UTRN: variants seen among roughly 807,000 people sequenced by gnomAD.
The protein encoded by UTRN is utrophin.
UTRN carries 283 observed loss-of-function variants against 463.9 expected under a neutral mutation model. The ratio of observed to expected loss-of-function variants is 0.61; its 90% CI spans 0.55 to 0.67. The LOEUF (loss-of-function observed/expected upper bound fraction) is 0.67, where lower values mean the gene tolerates loss of function less well. UTRN is among the 30% of genes least tolerant of loss of function. UTRN has a pLI of 0.00. For synonymous variants in UTRN, 1,442 were observed against 1,431.5 expected (o/e 1.01, Z -0.17); for missense variants, 3,922 against 4,084.3 (o/e 0.96, Z 1.08).
chr6:144,577,902 C>T (rs935515652), intron 51 of UTRN, among the ~76,000 whole-genome samples: 1 of 152,094 alleles, frequency 6.6e-6, no homozygotes, highest in Non-Finnish European at 1.5e-5. Context: ...TTGAACCTTC[C>T]AGTTCAAAAT....
chr6:144,419,610 C>G (rs1028800912), intron 3 of UTRN, among the ~76,000 whole-genome samples: 26 of 152,194 alleles, frequency 1.7e-4, no homozygotes, highest in Non-Finnish European at 3.4e-4. Context: ...CAGTGTCACA[C>G]AACATACCCA....
intron 3 of UTRN, among the ~76,000 whole-genome samples, chr6:144,409,984 G>C (rs1229240467): frequency 6.6e-6 from 1 of 152,132 alleles, no homozygotes; most frequent in Non-Finnish European, 1.5e-5. Flanking sequence ...ATGAACACTT[G>C]TCTCTGTGAG....
At chr6:144,361,767 T>A (rs1198104148) in intron 2 of UTRN, among the ~76,000 whole-genome samples, 4 of 135,668 alleles carry the variant, frequency 2.9e-5, no homozygotes, top group African/African-American at 9.5e-5. Flanking sequence ...TTTCTTTCTT[T>A]CTTTCTTTTT....
intron 58 of UTRN, among the ~76,000 whole-genome samples, chr6:144,758,761 A>G (rs1393885642): frequency 6.6e-6 from 1 of 152,116 alleles, no homozygotes; most frequent in African/African-American, 2.4e-5. Context: ...TTAATTTACA[A>G]CGTGCTCTAG....
chr6:144,641,035 C>T (rs932220904), intron 51 of UTRN, among the ~76,000 whole-genome samples: 1 of 152,006 alleles, frequency 6.6e-6, no homozygotes, highest in African/African-American at 2.4e-5. Context: ...TCATTCTTAC[C>T]AATGATAATA....
intron 53 of UTRN, among the ~76,000 whole-genome samples, chr6:144,703,762 G>A (rs1278144238): frequency 1.3e-5 from 2 of 152,134 alleles, no homozygotes; most frequent in Non-Finnish European, 2.9e-5. Context: ...GGAGTTGGAA[G>A]CATGATTGGA....
In UTRN at chr6:144,474,703, TG is replaced by T; in HGVS notation, c.3283del (p.Val1095CysfsTer5). 1 of 1,614,068 alleles carries T rather than the reference TG, an allele frequency of 6.2e-7. No homozygotes were observed. Among genetic ancestry groups the T allele is most frequent in the South Asian group, 1.1e-5 (1 of 91,068 alleles). ...RSGPVAGIKT[W>X]VQTRLGDYQT... ...TGGTCCAGTTGCTGGAATAAAAACT[TG>T]GGTGCAGACAAGACTAGGTGACTAC... On this transcript the variant is annotated frameshift_variant, in exon 25 of 75. Transcript: ENST00000367545. LOFTEE classifies it high-confidence loss of function.
chr6:144,521,940 T>G lies in UTRN; in HGVS notation c.5542-40T>G, dbSNP rs745407202. 1.2e-5 allele frequency: 12 copies of G among 1,034,792 alleles called. No homozygotes were observed. In the Admixed American group the frequency reaches 2.5e-4, roughly 22 times the overall value. 64.1% of individuals were successfully genotyped at this position (1,034,792 alleles called of 1,614,324 possible). ...CATTGTGGGGGTATTTTAAGAGATA[T>G]ATATATATATATATATTTTTTTTTT... On this transcript the variant is annotated intron_variant, in intron 39 of 74. Coordinates refer to ENST00000367545, the MANE Select transcript of UTRN (RefSeq NM_007124.3).
intron 23 of UTRN, among the ~76,000 whole-genome samples, chr6:144,463,458 G>C (rs949509972): frequency 2.6e-5 from 4 of 152,172 alleles, no homozygotes; most frequent in Non-Finnish European, 5.9e-5. Context: ...GTCAATAGAA[G>C]TCAGTGTCAG....
At chr6:144,321,286 G>A (rs1775620863) in intron 2 of UTRN, among the ~76,000 whole-genome samples, 1 of 151,862 alleles carries the variant, frequency 6.6e-6, no homozygotes. Context: ...ACATATATGT[G>A]CATGTACACA....
Position 144,485,479 on chromosome 6 carries a change from T to G in UTRN, c.3782T>G (p.Val1261Gly). The G allele has an allele frequency of 6.2e-7, 1 of 1,613,950 alleles. No homozygotes were observed. Among genetic ancestry groups the G allele is most frequent in the Non-Finnish European group, 8.5e-7 (1 of 1,179,948 alleles). ...GAAGAGCGGATGAAGAGCACAGAGG[T>G]CCTGCCTGAGAAGACGGATGCTGTC... The part of the protein sequence containing the change: ...TLEERMKSTE[V>G]LPEKTDAVNE... The change falls in exon 28 of 75, where the codon GTC becomes GGC. Residue 1261 changes from valine (V) to glycine (G), a missense_variant. Around this residue, in one of 3 missense-constraint regions of UTRN, gnomAD observed 2,349 missense variants for 2,303.8 expected, o/e 1.02. Transcript: ENST00000367545.
At chr6:144,512,558 T>TC in intron 35 of UTRN, among the ~76,000 whole-genome samples, 1 of 150,492 alleles carries the variant, frequency 6.6e-6, no homozygotes, top group East Asian at 1.9e-4. Context: ...TTTGTTCACT[T>TC]TTTTTTTTTT....
chr6:144,798,045 A>C (rs1777384039), intron 64 of UTRN, 55 bp downstream of exon 64: 21 of 1,608,074 alleles, frequency 1.3e-5, no homozygotes, highest in African/African-American at 2.7e-5. Context: ...GTGTAATCTC[A>C]GTGGTACGTC....
At chr6:144,734,227 CA>C (rs1789107480) in intron 54 of UTRN, among the ~76,000 whole-genome samples, 1 of 151,774 alleles carries the variant, frequency 6.6e-6, no homozygotes, top group African/African-American at 2.4e-5. Context: ...CAAAAATTTT[CA>C]AAAAAGGAAA....
At chr6:144,713,422 A>G (rs1785961538) in intron 53 of UTRN, among the ~76,000 whole-genome samples, 1 of 148,630 alleles carries the variant, frequency 6.7e-6, no homozygotes, top group South Asian at 2.1e-4. Context: ...CCTGACCAAC[A>G]TGGTGAAACC....
Position 144,836,560 on chromosome 6 carries a change from A to G in UTRN, c.10065+19A>G, listed in dbSNP as rs1355131478. The G allele has an allele frequency of 1.4e-5, 23 of 1,611,458 alleles. No homozygotes were observed. The highest frequency in any genetic ancestry group is 2.0e-5 in the Non-Finnish European group (23 of 1,179,204). ...GGAGCAGGTAGGGTGTGTAGAATTC[A>G]GCGTCACACCTCCCCAGGCCATCTG... On this transcript the variant is annotated intron_variant, in intron 71 of 74. Coordinates refer to ENST00000367545, the MANE Select transcript of UTRN (RefSeq NM_007124.3).
chr6:144,747,555 C>G (rs1586360260), intron 54 of UTRN, among the ~76,000 whole-genome samples: 1 of 152,278 alleles, frequency 6.6e-6, no homozygotes, highest in East Asian at 1.9e-4. Context: ...TGTGGCCTGT[C>G]CATGTGTTAT....
At chr6:144,365,657 G>A (rs2114697514) in intron 2 of UTRN, among the ~76,000 whole-genome samples, 1 of 152,358 alleles carries the variant, frequency 6.6e-6, no homozygotes, top group Non-Finnish European at 1.5e-5. Flanking sequence ...TTTATGAAAA[G>A]TGAAGAAGTT....
At chr6:144,567,292 G>A (rs1800496592) in intron 50 of UTRN, among the ~76,000 whole-genome samples, 2 of 152,174 alleles carry the variant, frequency 1.3e-5, no homozygotes, top group South Asian at 4.1e-4. Context: ...AAGAAGGGTT[G>A]GGGAGTGTGT....
Sources: gnomAD v4.1 joint callset for allele counts (sites outside exome capture counted in the v4.1 genomes callset) on GRCh38, gnomAD v4.1.1 for gene constraint, gnomAD v4.1.1 regional missense constraint, MANE v1.5 for transcripts, NCBI Gene and HGNC (gene_info 2026-07-23, HGNC 2026-07-21) for gene names.